The following ENTPD1 variants were observed in gnomAD, a reference collection of about 807,000 sequenced individuals.
ENTPD1 encodes ATP diphosphohydrolase.
In ENTPD1, 33 loss-of-function variants were observed where a neutral mutation model predicts 57.0. The observed-to-expected ratio is 0.58, with a 90% CI of 0.44 to 0.77. The LOEUF is 0.77. Ranked by LOEUF, ENTPD1 falls within the 30% of genes least tolerant of loss-of-function variation. ENTPD1 has a pLI of 0.00. For synonymous variants in ENTPD1, 202 were observed against 218.8 expected, an observed-to-expected ratio of 0.92 and a Z score of 0.68; for missense variants, 501 against 603.4, an observed-to-expected ratio of 0.83 and a Z score of 1.78.
At chr10:95,813,424 A>G (rs1369918873) in intron 1 of ENTPD1, among the ~76,000 whole-genome samples, 2 of 152,228 alleles carry the variant, frequency 1.3e-5, no homozygotes, top group African/African-American at 4.8e-5. Flanking sequence ...ATGTGAAAAC[A>G]CTAGCTGCCT....
intron 5 of ENTPD1, 24 bp downstream of exon 5, chr10:95,844,659 G>C: frequency 1.2e-6 from 2 of 1,613,896 alleles, no homozygotes; most frequent in South Asian, 2.2e-5. Flanking sequence ...AGCATCCATG[G>C]AGGTGGCTCT....
At chr10:95,854,089 A>C (rs1301529474) in intron 7 of ENTPD1, among the ~76,000 whole-genome samples, 1 of 152,080 alleles carries the variant, frequency 6.6e-6, no homozygotes, top group Non-Finnish European at 1.5e-5. Context: ...GTAAGCTATT[A>C]ATTATTGCCT....
rs1396374555 is a variant in ENTPD1, at chr10:95,864,731, C to T, written c.1196C>T (p.Thr399Ile). 1.2e-6 allele frequency: 2 copies of T among 1,614,146 alleles called. No homozygotes were observed. The highest frequency in any genetic ancestry group is 1.7e-5 in the Admixed American group (1 of 60,008). Residue 399 changes from threonine to isoleucine, a missense_variant, in exon 9 of 10, where the codon ACA becomes ATA. Coordinates refer to ENST00000371205, the MANE Select transcript of ENTPD1 (RefSeq NM_001776.6). The part of the protein sequence containing the change: ...FCAQPWEEIK[T>I]SYAGVKEKYL... ...CCCTCACTTCACTTCTAGATAAAAA[C>T]ATCTTACGCTGGAGTAAAGGAGAAG...
At chr10:95,827,412 G>A (rs368109356) in intron 2 of ENTPD1, among the ~76,000 whole-genome samples, 3 of 151,630 alleles carry the variant, frequency 2.0e-5, no homozygotes, top group Non-Finnish European at 4.4e-5. Flanking sequence ...CCAAGATCAC[G>A]CCACTACACT....
intron 1 of ENTPD1, among the ~76,000 whole-genome samples, chr10:95,774,245 G>C (rs1476132184): frequency 1.3e-5 from 2 of 151,662 alleles, no homozygotes; most frequent in African/African-American, 4.8e-5. Context: ...TTGTCAAATA[G>C]GTAGATTGCA....
intron 3 of ENTPD1, among the ~76,000 whole-genome samples, chr10:95,841,876 A>G (rs552051547): frequency 5.6e-4 from 86 of 152,334 alleles, no homozygotes; most frequent in African/African-American, 1.9e-3. Context: ...AGAAACTTTA[A>G]GGTGCTGGCC....
chr10:95,823,958 T>A (rs1412531795), intron 2 of ENTPD1, among the ~76,000 whole-genome samples: 1 of 152,250 alleles, frequency 6.6e-6, no homozygotes, highest in African/African-American at 2.4e-5. Flanking sequence ...TCTTGTGACA[T>A]TTCTACATTT....
intron 1 of ENTPD1, among the ~76,000 whole-genome samples, chr10:95,765,557 C>T (rs148480873): frequency 6.6e-6 from 1 of 152,106 alleles, no homozygotes. Flanking sequence ...ATATCTAGCC[C>T]TATGTCAATT....
At chr10:95,701,261 G>C in the ENTPD1 span, among the ~76,000 whole-genome samples, 1 of 152,042 alleles carries the variant, frequency 6.6e-6, no homozygotes, top group South Asian at 2.1e-4. Flanking sequence ...AGGAGTTCAA[G>C]ACCAGCCGGG....
intron 1 of ENTPD1, among the ~76,000 whole-genome samples, chr10:95,774,089 G>A (rs1418426232): frequency 6.6e-6 from 1 of 152,204 alleles, no homozygotes; most frequent in Non-Finnish European, 1.5e-5. Flanking sequence ...GACCAGTGAT[G>A]ATGAGCATTT....
chr10:95,757,451 C>G (rs1401428435), intron 1 of ENTPD1, among the ~76,000 whole-genome samples: 1 of 152,082 alleles, frequency 6.6e-6, no homozygotes, highest in Non-Finnish European at 1.5e-5. Context: ...TACTGTTTCT[C>G]TGCTTTTTCT....
intron 1 of ENTPD1, among the ~76,000 whole-genome samples, chr10:95,793,213 T>A (rs2861151): frequency 6.6e-6 from 1 of 152,076 alleles, no homozygotes; most frequent in Non-Finnish European, 1.5e-5. Context: ...CTAGGACTGC[T>A]TCTAAAAAGC....
chr10:95,828,460 C>G (rs533583076), intron 2 of ENTPD1, among the ~76,000 whole-genome samples: 20 of 152,202 alleles, frequency 1.3e-4, no homozygotes, highest in African/African-American at 4.6e-4. Flanking sequence ...AAGTGTAATG[C>G]ACTTGAATCA....
In ENTPD1 at chr10:95,868,594, C is replaced by T. The variant is rs1318654768; in HGVS notation, c.*2211C>T. The T allele has an allele frequency of 2.0e-6, 2 of 985,200 alleles. No homozygotes were observed. The highest frequency in any genetic ancestry group is 3.5e-5 in the African/African-American group (2 of 57,236). The allele number at this position is 985,200 out of a possible 1,614,324, so 61.0% of individuals were successfully genotyped here. On this transcript the variant is annotated 3_prime_UTR_variant, in exon 10 of 10. Transcript: ENST00000371205. ...TGCGTATACAAAGCACTGTCATGCACACAATCTATTCTGACCCTCACAACA... is the reference window on the plus strand; with the variant it reads ...TGCGTATACAAAGCACTGTCATGCATACAATCTATTCTGACCCTCACAACA...
At chr10:95,820,496 A>G (rs2140525267) in intron 1 of ENTPD1, among the ~76,000 whole-genome samples, 1 of 152,338 alleles carries the variant, frequency 6.6e-6, no homozygotes, top group South Asian at 2.1e-4. Flanking sequence ...TTTTCTCGTT[A>G]GGAAAAGGAA....
chr10:95,788,386 G>A (rs758882034), intron 1 of ENTPD1, among the ~76,000 whole-genome samples: 3 of 152,278 alleles, frequency 2.0e-5, no homozygotes, highest in Non-Finnish European at 2.9e-5. Context: ...GGGAGGCTGA[G>A]TTGGGGAATC....
intron 1 of ENTPD1, among the ~76,000 whole-genome samples, chr10:95,717,803 A>C (rs1036364930): frequency 4.5e-4 from 69 of 152,176 alleles, no homozygotes; most frequent in African/African-American, 1.3e-3. Flanking sequence ...AGATTTCCTC[A>C]GGAGGGGTGC....
chr10:95,853,105 A>C (rs1206674199), intron 7 of ENTPD1, among the ~76,000 whole-genome samples: 1 of 151,992 alleles, frequency 6.6e-6, no homozygotes, highest in Non-Finnish European at 1.5e-5. Flanking sequence ...CTTTTATTTC[A>C]TTGAGCAGTG....
intron 1 of ENTPD1, among the ~76,000 whole-genome samples, chr10:95,763,915 A>C (rs2098077720): frequency 6.6e-6 from 1 of 152,226 alleles, no homozygotes; most frequent in Non-Finnish European, 1.5e-5. Context: ...TTACTGTTAA[A>C]TAACTCAATT....
Sources: allele counts gnomAD v4.1 joint callset (sites outside exome capture counted in the v4.1 genomes callset), GRCh38; gene constraint gnomAD v4.1.1; transcripts MANE v1.5; gene names NCBI Gene and HGNC (gene_info 2026-07-23, HGNC 2026-07-21).